AKAP1: variants seen among roughly 807,000 people sequenced by gnomAD.
AKAP1 encodes A-kinase anchor protein 1, mitochondrial.
Under a neutral mutation model 79.8 loss-of-function variants are expected in AKAP1, and 32 were observed. The ratio of observed to expected loss-of-function variants is 0.40; its 90% CI spans 0.30 to 0.54. The LOEUF is 0.54. Among genes scored for constraint, AKAP1 ranks in the 20% least tolerant of loss-of-function variants. The probability of loss-of-function intolerance (pLI) is 0.47; values close to 1 mark genes in which losing one functional copy is unlikely to be tolerated. For missense variants in AKAP1, 961 were observed against 1,138.9 expected, an observed-to-expected ratio of 0.84 and a Z score of 2.25; for synonymous variants, 416 against 466.7, an observed-to-expected ratio of 0.89 and a Z score of 1.40.
Position 57,105,656 on chromosome 17 carries a change from T to C in AKAP1, c.192T>C (p.Cys64=). ...IKEPLPVEDV[C]PKVVSTPPSV... ...AACCTCTCCCCGTGGAAGACGTCTGTCCCAAAGTAGTGTCCACACCCCCCA... is the reference window on the plus strand; with the variant it reads ...AACCTCTCCCCGTGGAAGACGTCTGCCCCAAAGTAGTGTCCACACCCCCCA... Residue 64 remains cysteine, a synonymous_variant, in exon 2 of 11, where the codon TGT becomes TGC. Transcript: ENST00000337714. The C allele has an allele frequency of 3.1e-6, 5 of 1,614,058 alleles. No homozygotes were observed. The highest frequency in any genetic ancestry group is 3.4e-6 in the Non-Finnish European group (4 of 1,179,994).
chr17:57,108,027 A>C (rs761345884), intron 2 of AKAP1: 1 of 1,248,818 alleles, frequency 8.0e-7, no homozygotes, highest in Non-Finnish European at 1.0e-6. Context: ...CAGCGTAGAC[A>C]GTTCAGACCG....
At chr17:57,100,266 C>T (rs1440827169) in intron 1 of AKAP1, among the ~76,000 whole-genome samples, 1 of 152,124 alleles carries the variant, frequency 6.6e-6, no homozygotes, top group Non-Finnish European at 1.5e-5. Context: ...ATGGGATTGC[C>T]TAGTTAATAA....
intron 1 of AKAP1, among the ~76,000 whole-genome samples, chr17:57,090,309 T>TCTA (rs1913704721): frequency 2.7e-5 from 2 of 73,498 alleles, no homozygotes; most frequent in South Asian, 1.4e-3. Context: ...ACTGGCATAT[T>TCTA]AGTGGCTTTT....
intron 1 of AKAP1, among the ~76,000 whole-genome samples, chr17:57,087,993 G>C (rs1481409255): frequency 6.6e-6 from 1 of 152,148 alleles, no homozygotes; most frequent in Non-Finnish European, 1.5e-5. Context: ...AGTTGTTTCA[G>C]GTATGAGTTA....
intron 1 of AKAP1, among the ~76,000 whole-genome samples, chr17:57,102,559 G>A (rs1258789485): frequency 6.6e-6 from 1 of 150,830 alleles, no homozygotes; most frequent in Non-Finnish European, 1.5e-5. Flanking sequence ...TCTGCCTCCC[G>A]GGTTCAAGTG....
rs529314169 is a variant in AKAP1 at position 57,086,534 on chromosome 17, C to T, written c.-25+1136C>T. 2.3e-6 allele frequency: 1 copy of T among 439,642 alleles called. No homozygotes were observed. The highest frequency in any genetic ancestry group is 2.0e-5 in the African/African-American group (1 of 49,346). 27.2% of individuals were successfully genotyped at this position (439,642 alleles called of 1,614,324 possible). ...TAACACAAACCCGGTGGACTTCGCT[C>T]CAGGTGCGAGTCGAGGCCTCTCAAG... On this transcript the variant is annotated intron_variant, in intron 1 of 10. Coordinates refer to ENST00000337714, the MANE Select transcript of AKAP1 (RefSeq NM_003488.4). This position sits in a 1 kb window ranked among gnomAD's most constrained non-coding sequence, Gnocchi z 5.1.
At position 57,120,560 on chromosome 17, in the gene AKAP1, C is replaced by A; in HGVS notation, c.*236C>A. 6.2e-6 allele frequency: 2 copies of A among 325,018 alleles called. No individual in the cohort carries two copies. The highest frequency in any genetic ancestry group is 5.5e-6 in the Non-Finnish European group (1 of 182,140). The allele number at this position is 325,018 out of a possible 1,614,324, so 20.1% of individuals were successfully genotyped here. A position where few individuals can be genotyped will look rare whatever the true frequency, so the allele number is the denominator to read the frequency against. On this transcript the variant is annotated 3_prime_UTR_variant, in exon 11 of 11. Coordinates refer to ENST00000337714, the MANE Select transcript of AKAP1 (RefSeq NM_003488.4). ...ACAAGCCAGCTGGCTTATGCTGGTT[C>A]TCAGCTGTTTAAAAAAAAAAAAAAA...
At chr17:57,112,067 G>A in intron 4 of AKAP1, 143 bp downstream of exon 4, 3 of 1,145,066 alleles carry the variant, frequency 2.6e-6, no homozygotes, top group Non-Finnish European at 3.6e-6. Context: ...TATCTTCCCT[G>A]CAGCCTTTTC....
chr17:57,105,058 GAA>G (rs1180195478), intron 1 of AKAP1, among the ~76,000 whole-genome samples: 1 of 152,154 alleles, frequency 6.6e-6, no homozygotes, highest in Non-Finnish European at 1.5e-5. Context: ...CCACTTGATA[GAA>G]AAAAATGTTC....
chr17:57,091,060 G>A (rs1283884507), intron 1 of AKAP1, among the ~76,000 whole-genome samples: 1 of 152,186 alleles, frequency 6.6e-6, no homozygotes, highest in Non-Finnish European at 1.5e-5. Context: ...GTGAGGTTGG[G>A]TCGATGACAG....
intron 5 of AKAP1, among the ~76,000 whole-genome samples, chr17:57,113,879 T>G (rs769698242): frequency 1.3e-5 from 2 of 152,078 alleles, no homozygotes; most frequent in African/African-American, 2.4e-5. Context: ...GGAAGCAGAC[T>G]CTGCTAGACC....
At chr17:57,114,071 C>T (rs539986376) in intron 5 of AKAP1, among the ~76,000 whole-genome samples, 1 of 152,268 alleles carries the variant, frequency 6.6e-6, no homozygotes, top group East Asian at 1.9e-4. Flanking sequence ...CTGTGTTGCC[C>T]TCCCTGGGTC....
chr17:57,111,028 C>G (rs970285978), intron 3 of AKAP1, among the ~76,000 whole-genome samples: 44 of 152,090 alleles, frequency 2.9e-4, no homozygotes, highest in Admixed American at 2.6e-3. Context: ...TGCGAGGTCT[C>G]TTGGTGGTTT....
chr17:57,106,229 G>A lies in AKAP1; in HGVS notation c.765G>A (p.Gly255=), dbSNP rs1313209467. ...AGAGCAGCTCATCCCAGGTGGTGGG[G>A]CCAGTGCAGGAGGAAGAGTATGTAG... is the stretch of plus-strand genomic sequence containing the variant. ...KGKSSSSQVV[G]PVQEEEYVAE... Residue 255 remains glycine (G), a synonymous_variant, in exon 2 of 11, where the codon GGG becomes GGA. Coordinates refer to ENST00000337714, the MANE Select transcript of AKAP1 (RefSeq NM_003488.4). The A allele has an allele frequency of 6.2e-7, 1 of 1,614,190 alleles. No individual in the cohort carries two copies. The highest frequency in any genetic ancestry group is 1.7e-5 in the Admixed American group (1 of 60,034).
chr17:57,086,668 C>CT lies in AKAP1; in HGVS notation c.-25+1271dup. ...AGATTTGTCTCCAGTGAAATCTAGG[C>CT]TGCTGGACCTGGTGCAACAGTATCT... On this transcript the variant is annotated intron_variant, in intron 1 of 10. Transcript: ENST00000337714. The surrounding 1 kb of genome is among the most constrained non-coding windows in gnomAD (Gnocchi z 5.1). 1 of 319,766 alleles carries CT rather than the reference C, an allele frequency of 3.1e-6. No individual in the cohort carries two copies. The highest frequency in any genetic ancestry group is 6.2e-6 in the Non-Finnish European group (1 of 162,020). The allele number at this position is 319,766 out of a possible 1,614,324, so 19.8% of individuals were successfully genotyped here. A position where few individuals can be genotyped will look rare whatever the true frequency, so the allele number is the denominator to read the frequency against.
intron 5 of AKAP1, 51 bp downstream of exon 5, chr17:57,112,669 T>C (rs1915325456): frequency 1.9e-6 from 3 of 1,553,252 alleles, no homozygotes; most frequent in Non-Finnish European, 2.6e-6. Flanking sequence ...CCCCCAAACC[T>C]ACCCCAAACA....
chr17:57,099,200 G>A lies in AKAP1; in HGVS notation c.-24-6241G>A, dbSNP rs141865433. On this transcript the variant is annotated intron_variant, in intron 1 of 10. Coordinates refer to ENST00000337714, the MANE Select transcript of AKAP1 (RefSeq NM_003488.4). ...GGGTCTCTTGGCTCTGTTCTTGTTG[G>A]AGGATGGTTCACATCTCTAGGCACA... Among the ~76,000 whole-genome samples the A allele has an allele frequency of 5.1e-3, 770 of 152,246 alleles. 7 individuals are homozygous for A. The highest frequency in any genetic ancestry group is 0.016 in the African/African-American group (663 of 41,532).
At chr17:57,107,303 T>G in intron 2 of AKAP1, 125 bp downstream of exon 2, 1 of 1,363,610 alleles carries the variant, frequency 7.3e-7, no homozygotes, top group Non-Finnish European at 1.0e-6. Context: ...CAGCTCTTTA[T>G]CGCAACCTGC....
At chr17:57,101,197 GA>G (rs1326630474) in intron 1 of AKAP1, among the ~76,000 whole-genome samples, 1 of 152,174 alleles carries the variant, frequency 6.6e-6, no homozygotes, top group African/African-American at 2.4e-5. Context: ...GGTTATTACA[GA>G]ACAGTGATTC....
Sources: gnomAD v4.1 joint callset for allele counts (sites outside exome capture counted in the v4.1 genomes callset) on GRCh38, gnomAD v4.1.1 for gene constraint, Gnocchi (gnomAD v3.1) non-coding constraint, MANE v1.5 for transcripts, NCBI Gene and HGNC (gene_info 2026-07-23, HGNC 2026-07-21) for gene names.